FRMD4A: variants seen among roughly 807,000 people sequenced by gnomAD.
The protein encoded by FRMD4A is FERM domain-containing protein 4A.
Under a neutral mutation model 129.1 loss-of-function variants are expected in FRMD4A, and 29 were observed. The ratio of observed to expected loss-of-function variants is 0.22; its 90% CI spans 0.17 to 0.31. The LOEUF is 0.31. Ranked by LOEUF, FRMD4A falls within the 10% of genes least tolerant of loss-of-function variation. The pLI is 1.00. For missense variants in FRMD4A, 1,272 were observed against 1,375.8 expected (o/e 0.92, Z 1.19); for synonymous variants, 634 against 571.6 (o/e 1.11, Z -1.56).
chr10:13,664,240 C>A (rs376467428), intron 18 of FRMD4A, among the ~76,000 whole-genome samples: 6 of 152,290 alleles, frequency 3.9e-5, no homozygotes, highest in East Asian at 1.9e-4. Context: ...CGCTAAGGAA[C>A]TAGCAAGAAC....
At chr10:13,673,841 T>C (rs1349919617) in intron 16 of FRMD4A, among the ~76,000 whole-genome samples, 1 of 146,292 alleles carries the variant, frequency 6.8e-6, no homozygotes, top group Non-Finnish European at 1.5e-5. Context: ...AATGGCGTGA[T>C]CACTGCTCAC....
rs545450736 is a variant in FRMD4A at position 13,661,857 on chromosome 10, C to T, written c.1661-1304G>A. On this transcript the variant is annotated intron_variant, in intron 19 of 24. Coordinates refer to ENST00000357447, the MANE Select transcript of FRMD4A (RefSeq NM_018027.5). ...CACTTGCCCCTAAATCCATTTCCAG[C>T]GACTTGTTTCACAGCCTAATTCTCA... Among the ~76,000 whole-genome samples, 57 of 152,222 alleles carry T rather than the reference C, an allele frequency of 3.7e-4. 1 individual carries two copies. The South Asian group carries it at 5.0e-3, about 13-fold the overall frequency.
chr10:14,105,948 G>A (rs952471891), intron 2 of FRMD4A, among the ~76,000 whole-genome samples: 1 of 152,124 alleles, frequency 6.6e-6, no homozygotes, highest in African/African-American at 2.4e-5. Flanking sequence ...GGTTATATAT[G>A]TCTGGTTTGC....
intron 12 of FRMD4A, among the ~76,000 whole-genome samples, chr10:13,712,352 T>C (rs769466885): frequency 9.2e-5 from 14 of 152,062 alleles, no homozygotes; most frequent in Non-Finnish European, 2.1e-4. Flanking sequence ...TGAAATCCTA[T>C]CTCTACTAAA....
At chr10:13,747,011 T>A (rs1163728900) in intron 9 of FRMD4A, among the ~76,000 whole-genome samples, 4 of 152,088 alleles carry the variant, frequency 2.6e-5, no homozygotes, top group Non-Finnish European at 5.9e-5. Context: ...AATCTCCCTC[T>A]TCTGAAAGAA....
intron 2 of FRMD4A, among the ~76,000 whole-genome samples, chr10:14,109,498 C>T (rs1441939793): frequency 1.3e-5 from 2 of 152,054 alleles, no homozygotes; most frequent in Admixed American, 1.3e-4. Flanking sequence ...ATAGAGTGTC[C>T]CAATTGCTGT....
chr10:13,718,904 G>T (rs964446165), intron 12 of FRMD4A, among the ~76,000 whole-genome samples: 1 of 152,168 alleles, frequency 6.6e-6, no homozygotes, highest in Non-Finnish European at 1.5e-5. Context: ...AAATTTCCTT[G>T]AGTATGTTTT....
chr10:14,231,750 G>GT (rs1467509003), intron 2 of FRMD4A, among the ~76,000 whole-genome samples: 2 of 152,038 alleles, frequency 1.3e-5, no homozygotes, highest in Non-Finnish European at 2.9e-5. Flanking sequence ...GTTTGTTTAT[G>GT]TTTTTTGCTC....
intron 13 of FRMD4A, among the ~76,000 whole-genome samples, chr10:13,706,483 A>G (rs964714548): frequency 2.6e-5 from 4 of 152,098 alleles, no homozygotes; most frequent in African/African-American, 9.7e-5. Flanking sequence ...TGGAGGGAAA[A>G]ATAATTTCAT....
At position 13,768,584 on chromosome 10, in the gene FRMD4A, G is replaced by A. The variant is rs576163148; in HGVS notation, c.385-5904C>T. On this transcript the variant is annotated intron_variant, in intron 6 of 24. Transcript: ENST00000357447. ...TGTAGGGTTAGGAAAGCCACCAAGC[G>A]TTTTCCTAACGAATTCTCACCAGTT... Among the ~76,000 whole-genome samples the A allele has an allele frequency of 1.8e-4, 28 of 152,254 alleles. No homozygotes were observed. In the South Asian group the frequency reaches 1.9e-3, roughly 10 times the overall value.
At chr10:14,175,034 A>G (rs897263743) in intron 2 of FRMD4A, among the ~76,000 whole-genome samples, 1 of 152,004 alleles carries the variant, frequency 6.6e-6, no homozygotes, top group Non-Finnish European at 1.5e-5. Flanking sequence ...AATGGCAAAG[A>G]CCTAGGTCAG....
chr10:14,002,734 G>A (rs912200971), intron 2 of FRMD4A, among the ~76,000 whole-genome samples: 5 of 152,196 alleles, frequency 3.3e-5, no homozygotes, highest in Admixed American at 1.3e-4. Context: ...ACGGGAGCCA[G>A]CAGGGAGAGC....
rs115967069 is a variant in FRMD4A, at chr10:14,252,514, G to T, written c.45+77544C>A. 5.4e-3 allele frequency among the ~76,000 whole-genome samples: 828 copies of T among 152,288 alleles called. 7 individuals are homozygous for T. The highest frequency in any genetic ancestry group is 0.018 in the African/African-American group (765 of 41,554). On this transcript the variant is annotated intron_variant, in intron 2 of 24. Coordinates refer to ENST00000357447, the MANE Select transcript of FRMD4A (RefSeq NM_018027.5). ...ATAGGCCAAGCATTTTGGAGAATAT[G>T]CCTCAATTTGGGGTTGTCCAGTGTT...
At chr10:13,843,497 C>A (rs766074140) in intron 3 of FRMD4A, among the ~76,000 whole-genome samples, 1 of 152,094 alleles carries the variant, frequency 6.6e-6, no homozygotes, top group Non-Finnish European at 1.5e-5. Flanking sequence ...AAGAAAGTCT[C>A]TTTTCTGCTT....
At position 14,182,792 on chromosome 10, in the gene FRMD4A, G is replaced by A. The variant is rs541258427; in HGVS notation, c.45+147266C>T. Among the ~76,000 whole-genome samples, 141 of 152,242 alleles carry A rather than the reference G, an allele frequency of 9.3e-4. 1 individual carries two copies. Among genetic ancestry groups the A allele is most frequent in the Non-Finnish European group, 1.5e-3 (102 of 68,008 alleles). The stretch of plus-strand genomic sequence containing the variant: ...CTGTTGAAAAATTTAAGAACTCCAA[G>A]GATTAGAGGTAACAATCACAGAAAC... On this transcript the variant is annotated intron_variant, in intron 2 of 24. Transcript: ENST00000357447.
At chr10:14,231,717 G>A (rs1420016145) in intron 2 of FRMD4A, among the ~76,000 whole-genome samples, 6 of 152,144 alleles carry the variant, frequency 3.9e-5, no homozygotes, top group African/African-American at 1.4e-4. Flanking sequence ...TGTTGGCCAC[G>A]AGCATGTCTT....
At chr10:13,879,345 A>C (rs1313719373) in intron 2 of FRMD4A, among the ~76,000 whole-genome samples, 3 of 152,066 alleles carry the variant, frequency 2.0e-5, no homozygotes, top group South Asian at 4.1e-4. Context: ...AAACAAACAA[A>C]AAAAATCTTT....
intron 2 of FRMD4A, among the ~76,000 whole-genome samples, chr10:14,015,134 CTCCT>C (rs556113700): frequency 7.8e-5 from 9 of 115,348 alleles, no homozygotes; most frequent in South Asian, 3.4e-4. Flanking sequence ...TCTTCCCTTT[CTCCT>C]TCCTTCCTTC....
rs1397613738 is a variant in FRMD4A at position 14,015,315 on chromosome 10, C to A, written c.46-156403G>T. On this transcript the variant is annotated intron_variant, in intron 2 of 24. Transcript: ENST00000357447. ...CCTCCCTTCCTTTCATCCTTTCTTCCCTTCCTCTTCTCTCCTTGCTTCCTC... is the reference window on the plus strand; with the variant it reads ...CCTCCCTTCCTTTCATCCTTTCTTCACTTCCTCTTCTCTCCTTGCTTCCTC... Among the ~76,000 whole-genome samples the A allele has an allele frequency of 5.0e-5, 7 of 140,326 alleles. No homozygotes were observed. The Admixed American group carries it at 5.1e-4, about 10-fold the overall frequency. The allele number at this position is 140,326 out of a possible 152,430, so 92.1% of individuals were successfully genotyped here.
Sources: gnomAD v4.1 joint callset for allele counts (sites outside exome capture counted in the v4.1 genomes callset) on GRCh38, gnomAD v4.1.1 for gene constraint, MANE v1.5 for transcripts, NCBI Gene and HGNC (gene_info 2026-07-23, HGNC 2026-07-21) for gene names.